Variants in TMEM132D observed in about 807,000 individuals in gnomAD.
TMEM132D encodes mature OL transmembrane protein.
A neutral mutation model predicts 62.3 loss-of-function variants in TMEM132D; 21 were observed. That is an observed-to-expected ratio of 0.34 (90% CI 0.24 to 0.49). The LOEUF (loss-of-function observed/expected upper bound fraction) is 0.49, where lower values mean the gene tolerates loss of function less well. TMEM132D is among the 20% of genes least tolerant of loss of function. TMEM132D has a pLI of 0.99. For missense variants in TMEM132D, 1,346 were observed against 1,402.8 expected (o/e 0.96, Z 0.65); for synonymous variants, 621 against 575.6 (o/e 1.08, Z -1.13).
intron 2 of TMEM132D, among the ~76,000 whole-genome samples, chr12:129,545,126 G>C (rs549666478): frequency 6.6e-5 from 10 of 152,280 alleles, no homozygotes; most frequent in African/African-American, 1.4e-4. Flanking sequence ...AATTTTCCAG[G>C]AGTGACAAGA....
intron 5 of TMEM132D, among the ~76,000 whole-genome samples, chr12:129,105,374 CA>C (rs1302380304): frequency 1.6e-5 from 2 of 125,648 alleles, no homozygotes; most frequent in African/African-American, 3.3e-5. Flanking sequence ...AGGGGAACAT[CA>C]CACTCTGGGG....
In TMEM132D at chr12:129,575,754, A is replaced by ATTT. The variant is rs71082736; in HGVS notation, c.969-44552_969-44550dup. 2.1e-4 allele frequency among the ~76,000 whole-genome samples: 3 copies of ATTT among 13,976 alleles called. 1 individual carries two copies. Among genetic ancestry groups the ATTT allele is most frequent in the African/African-American group, 6.8e-4 (2 of 2,930 alleles). 9.2% of individuals were successfully genotyped at this position (13,976 alleles called of 152,430 possible). On this transcript the variant is annotated intron_variant, in intron 2 of 8. Transcript: ENST00000422113. The stretch of plus-strand genomic sequence containing the variant: ...TTCAATTATGTCTGCAGATAGATAC[A>ATTT]TTTTTTTTTTTTTTTTTTTTTTTTT...
intron 4 of TMEM132D, among the ~76,000 whole-genome samples, chr12:129,235,400 G>T (rs1368828117): frequency 5.4e-5 from 8 of 148,492 alleles, no homozygotes; most frequent in Admixed American, 2.0e-4. Flanking sequence ...CCCCTAATGG[G>T]TTTTTTTTTT....
intron 4 of TMEM132D, among the ~76,000 whole-genome samples, chr12:129,270,406 A>C (rs1285821755): frequency 6.6e-6 from 1 of 152,194 alleles, no homozygotes; most frequent in Non-Finnish European, 1.5e-5. Context: ...AAGTATTTAG[A>C]CAATTTATTT....
intron 4 of TMEM132D, among the ~76,000 whole-genome samples, chr12:129,246,266 AG>A (rs1566010455): frequency 6.6e-6 from 1 of 152,206 alleles, no homozygotes; most frequent in Admixed American, 6.5e-5. Context: ...ATGAGGAAAC[AG>A]AGGCAATACT....
intron 1 of TMEM132D, among the ~76,000 whole-genome samples, chr12:129,815,886 C>A (rs1396214766): frequency 2.0e-5 from 3 of 152,144 alleles, no homozygotes; most frequent in Admixed American, 2.0e-4. Context: ...CGTATGAATT[C>A]AATGTAAGTG....
At chr12:129,697,364 T>A (rs1881233405) in intron 2 of TMEM132D, among the ~76,000 whole-genome samples, 1 of 152,192 alleles carries the variant, frequency 6.6e-6, no homozygotes, top group African/African-American at 2.4e-5. Context: ...TTTATTATTT[T>A]CTAATTATAG....
chr12:129,103,933 G>A (rs1223927899), intron 5 of TMEM132D, among the ~76,000 whole-genome samples: 3 of 152,168 alleles, frequency 2.0e-5, no homozygotes, highest in South Asian at 2.1e-4. Context: ...TCGTGGGTAG[G>A]AATAATCAAT....
intron 2 of TMEM132D, among the ~76,000 whole-genome samples, chr12:129,680,114 C>T (rs1026950649): frequency 1.3e-4 from 20 of 152,150 alleles, no homozygotes; most frequent in African/African-American, 4.6e-4. Flanking sequence ...ATGTTCTGTG[C>T]CTGAGTTCAC....
chr12:129,654,610 C>A (rs1036112411), intron 2 of TMEM132D, among the ~76,000 whole-genome samples: 1 of 152,098 alleles, frequency 6.6e-6, no homozygotes, highest in Admixed American at 6.5e-5. Context: ...TGAGAAGCCC[C>A]CAACAAAATT....
intron 2 of TMEM132D, among the ~76,000 whole-genome samples, chr12:129,646,498 A>G (rs1305246173): frequency 6.6e-6 from 1 of 152,142 alleles, no homozygotes; most frequent in African/African-American, 2.4e-5. Context: ...AGGCTTTTGT[A>G]TTAGGGGATA....
chr12:129,795,755 G>A (rs1291269940), intron 1 of TMEM132D, among the ~76,000 whole-genome samples: 4 of 152,018 alleles, frequency 2.6e-5, no homozygotes, highest in Non-Finnish European at 5.9e-5. Flanking sequence ...TTACTAACAC[G>A]TTTCTTAATA....
intron 3 of TMEM132D, among the ~76,000 whole-genome samples, chr12:129,463,723 T>C (rs1379865376): frequency 1.3e-5 from 2 of 149,260 alleles, no homozygotes; most frequent in African/African-American, 2.5e-5. Context: ...GAACATGCGG[T>C]GTTCGGTTTT....
At chr12:129,111,101 T>C (rs1261038667) in intron 5 of TMEM132D, 1 of 152,296 alleles carries the variant, frequency 6.6e-6, no homozygotes, top group African/African-American at 2.4e-5. Flanking sequence ...AGGGAGACCT[T>C]CAGGAATCTG....
At chr12:129,559,917 G>A (rs1877167371) in intron 2 of TMEM132D, among the ~76,000 whole-genome samples, 1 of 152,184 alleles carries the variant, frequency 6.6e-6, no homozygotes, top group Admixed American at 6.5e-5. Context: ...AAACAGGATA[G>A]CATGCACGTG....
chr12:129,816,003 C>T (rs965434899), intron 1 of TMEM132D, among the ~76,000 whole-genome samples: 13 of 152,198 alleles, frequency 8.5e-5, no homozygotes, highest in African/African-American at 3.1e-4. Context: ...GTTTTTCCTC[C>T]CTTCCTTGCC....
intron 2 of TMEM132D, among the ~76,000 whole-genome samples, chr12:129,678,086 T>C (rs987574405): frequency 6.6e-6 from 1 of 151,380 alleles, no homozygotes; most frequent in South Asian, 2.1e-4. Flanking sequence ...AATGGTCATT[T>C]TGGCCATTTT....
intron 2 of TMEM132D, among the ~76,000 whole-genome samples, chr12:129,615,824 AT>A (rs1878900875): frequency 6.6e-6 from 1 of 151,136 alleles, no homozygotes; most frequent in African/African-American, 2.4e-5. Context: ...ATAAAATAAA[AT>A]AAAATAAAAT....
At chr12:129,257,204 C>CTTTCTTTTTT (rs1880427869) in intron 4 of TMEM132D, among the ~76,000 whole-genome samples, 1 of 122,636 alleles carries the variant, frequency 8.2e-6, no homozygotes, top group African/African-American at 3.1e-5. Flanking sequence ...CTGTTTCTTT[C>CTTTCTTTTTT]TTTTTTTTTT....
Sources: gnomAD v4.1 joint callset for allele counts (sites outside exome capture counted in the v4.1 genomes callset) on GRCh38, gnomAD v4.1.1 for gene constraint, MANE v1.5 for transcripts, NCBI Gene and HGNC (gene_info 2026-07-23, HGNC 2026-07-21) for gene names.